Variants in MAGI1 observed in about 807,000 individuals in gnomAD.
MAGI1 encodes membrane-associated guanylate kinase, WW and PDZ domain-containing protein 1.
In MAGI1, 58 loss-of-function variants were observed where a neutral mutation model predicts 139.9. The observed-to-expected ratio is 0.41, with a 90% CI of 0.34 to 0.52. The LOEUF (loss-of-function observed/expected upper bound fraction) is 0.52, where lower values mean the gene tolerates loss of function less well. MAGI1 is among the 20% of genes least tolerant of loss of function. The pLI is 0.12. For missense variants in MAGI1, 1,874 were observed against 1,901.6 expected (o/e 0.99, Z 0.27); for synonymous variants, 812 against 737.9 (o/e 1.10, Z -1.63).
chr3:65,945,499 G>C (rs948783334), intron 1 of MAGI1, among the ~76,000 whole-genome samples: 8 of 151,068 alleles, frequency 5.3e-5, no homozygotes, highest in African/African-American at 1.9e-4. Context: ...GAGTCCTTGT[G>C]GACCAACCTT....
intron 2 of MAGI1, among the ~76,000 whole-genome samples, chr3:65,506,836 C>A (rs538706079): frequency 6.6e-6 from 1 of 152,076 alleles, no homozygotes; most frequent in Admixed American, 6.5e-5. Flanking sequence ...AAATTTGTAT[C>A]AAGGACTAAA....
At chr3:65,919,722 TTA>T (rs2062084203) in intron 1 of MAGI1, among the ~76,000 whole-genome samples, 1 of 150,700 alleles carries the variant, frequency 6.6e-6, no homozygotes, top group Non-Finnish European at 1.5e-5. Context: ...ATTTTTCAAG[TTA>T]GAAAAAGGCA....
intron 1 of MAGI1, among the ~76,000 whole-genome samples, chr3:65,916,774 TACACACACTAAC>T (rs1478124802): frequency 6.6e-6 from 1 of 151,728 alleles, no homozygotes; most frequent in Non-Finnish European, 1.5e-5. Flanking sequence ...ACATGTATCA[TACACACACTAAC>T]ACACACACAC....
intron 2 of MAGI1, among the ~76,000 whole-genome samples, chr3:65,510,602 G>GA (rs1194981993): frequency 6.0e-5 from 8 of 132,550 alleles, no homozygotes; most frequent in Non-Finnish European, 1.3e-4. Flanking sequence ...GAAGTTTAGA[G>GA]AAAAAAGAAT....
chr3:65,822,012 G>C (rs1247481924), intron 1 of MAGI1, among the ~76,000 whole-genome samples: 1 of 152,156 alleles, frequency 6.6e-6, no homozygotes, highest in Non-Finnish European at 1.5e-5. Context: ...AAAGCATCAA[G>C]TGCCTATAAC....
chr3:65,512,685 G>T (rs1359733013), intron 2 of MAGI1, among the ~76,000 whole-genome samples: 1 of 149,540 alleles, frequency 6.7e-6, no homozygotes, highest in Non-Finnish European at 1.5e-5. Context: ...ACCAAAAAGA[G>T]TCCAGGACCA....
chr3:65,367,618 T>A (rs1343017764), intron 18 of MAGI1, among the ~76,000 whole-genome samples: 1 of 152,122 alleles, frequency 6.6e-6, no homozygotes, highest in Non-Finnish European at 1.5e-5. Flanking sequence ...CACCACTCAA[T>A]AAAATAGGTG....
intron 6 of MAGI1, 60 bp from the exon 7 acceptor site, chr3:65,448,117 A>G (rs1948786625): frequency 7.4e-6 from 11 of 1,484,168 alleles, no homozygotes; most frequent in Non-Finnish European, 8.5e-6. Context: ...TTCAGACACC[A>G]GCACCAAGAA....
intron 1 of MAGI1, among the ~76,000 whole-genome samples, chr3:65,678,086 A>C (rs1179747218): frequency 6.6e-6 from 1 of 152,146 alleles, no homozygotes; most frequent in African/African-American, 2.4e-5. Flanking sequence ...AAAACCAAAC[A>C]CCGCATGTTC....
chr3:65,519,383 CACAT>C (rs1432826191), intron 2 of MAGI1, among the ~76,000 whole-genome samples: 251 of 56,328 alleles, frequency 4.5e-3, no homozygotes, highest in East Asian at 0.015. Flanking sequence ...CACACACACA[CACAT>C]ATATATAATT....
At chr3:65,910,276 A>ATAGATATAATTGAGAATCTCAAATT (rs1193998644) in intron 1 of MAGI1, among the ~76,000 whole-genome samples, 1 of 152,210 alleles carries the variant, frequency 6.6e-6, no homozygotes, top group African/African-American at 2.4e-5. Flanking sequence ...TTGTTAAGAG[A>ATAGATATAATTGAGAATCTCAAATT]TAGATATAAT....
At chr3:65,587,994 T>C (rs1011330063) in intron 2 of MAGI1, among the ~76,000 whole-genome samples, 3 of 152,174 alleles carry the variant, frequency 2.0e-5, no homozygotes, top group African/African-American at 4.8e-5. Flanking sequence ...AGCACACATT[T>C]GGTTCTTTTC....
intron 14 of MAGI1, among the ~76,000 whole-genome samples, chr3:65,385,698 G>A (rs1465296165): frequency 6.6e-6 from 1 of 152,128 alleles, no homozygotes; most frequent in African/African-American, 2.4e-5. Flanking sequence ...GGCTGTAAAT[G>A]GGTGCTTTCT....
At chr3:65,440,135 G>C (rs1948172863) in intron 8 of MAGI1, 123 bp from the exon 9 acceptor site, 2 of 1,041,502 alleles carry the variant, frequency 1.9e-6, no homozygotes, top group Non-Finnish European at 1.4e-6. Context: ...TAACCCTCGT[G>C]TGTTAAAATG....
chr3:65,666,607 G>A (rs1283322633), intron 1 of MAGI1, among the ~76,000 whole-genome samples: 1 of 152,194 alleles, frequency 6.6e-6, no homozygotes, highest in Non-Finnish European at 1.5e-5. Flanking sequence ...CTATGTTTCA[G>A]TGAGCAATTC....
chr3:65,877,490 G>A (rs750741965), intron 1 of MAGI1, among the ~76,000 whole-genome samples: 3 of 152,156 alleles, frequency 2.0e-5, no homozygotes, highest in African/African-American at 7.2e-5. Context: ...AGGTTCCCCA[G>A]AGATGACCTC....
At chr3:65,833,775 C>G (rs1054501646) in intron 1 of MAGI1, among the ~76,000 whole-genome samples, 3 of 152,198 alleles carry the variant, frequency 2.0e-5, no homozygotes, top group African/African-American at 7.2e-5. Flanking sequence ...CTACTACAAT[C>G]TGAGCTCCCA....
chr3:65,430,752 A>G lies in MAGI1; in HGVS notation c.1493T>C (p.Ile498Thr), dbSNP rs1400543371. ...GGDEPDEFLQ[I>T]KSLVLDGPAA... ...AGGACCATCTAGGACCAAGCTCTTG[A>G]TCTGGAGAAACTCATCAGGTTCATC... Residue 498 changes from isoleucine to threonine, a missense_variant, in exon 11 of 23, where the codon ATC becomes ACC. Physicochemically the swap from Ile to Thr is moderately conservative, Grantham distance 89. Coordinates refer to ENST00000402939, the MANE Select transcript of MAGI1 (RefSeq NM_001033057.2). 6.2e-7 allele frequency: 1 copy of G among 1,613,742 alleles called. No individual in the cohort carries two copies.
intron 22 of MAGI1, chr3:65,360,189 T>G (rs1379240867): frequency 1.0e-6 from 1 of 985,256 alleles, no homozygotes; most frequent in African/African-American, 1.7e-5. Flanking sequence ...AAAATGCAAC[T>G]GAGAATTGTG....
Sources: allele counts gnomAD v4.1 joint callset (sites outside exome capture counted in the v4.1 genomes callset), GRCh38; gene constraint gnomAD v4.1.1; transcripts MANE v1.5; gene names NCBI Gene and HGNC (gene_info 2026-07-23, HGNC 2026-07-21).